The following CAMTA1 variants were observed in gnomAD, a reference collection of about 807,000 sequenced individuals.
CAMTA1 encodes the protein calmodulin binding transcription activator 1.
CAMTA1 carries 27 observed loss-of-function variants against 170.9 expected under a neutral mutation model. That is an observed-to-expected ratio of 0.16 (90% CI 0.12 to 0.22). CAMTA1 has a LOEUF of 0.22. Among genes scored for constraint, CAMTA1 ranks in the 10% least tolerant of loss-of-function variants. The pLI is 1.00. For synonymous variants in CAMTA1, 833 were observed against 891.5 expected, an observed-to-expected ratio of 0.93 and a Z score of 1.17; for missense variants, 1,619 against 2,217.2, an observed-to-expected ratio of 0.73 and a Z score of 5.42.
intron 3 of CAMTA1, among the ~76,000 whole-genome samples, chr1:6,865,828 C>CTA (rs1235602667): frequency 1.1e-4 from 17 of 152,302 alleles, no homozygotes; most frequent in African/African-American, 3.4e-4. Flanking sequence ...AGTGGGAGAG[C>CTA]TATAACCTGA....
chr1:6,845,052 G>A (rs1043325189), intron 3 of CAMTA1, among the ~76,000 whole-genome samples: 2 of 152,170 alleles, frequency 1.3e-5, no homozygotes, highest in Non-Finnish European at 2.9e-5. Flanking sequence ...GAAGAGCCAC[G>A]AAAGCACCTC....
intron 4 of CAMTA1, among the ~76,000 whole-genome samples, chr1:7,159,072 T>A (rs1236016735): frequency 5.9e-5 from 9 of 152,170 alleles, no homozygotes; most frequent in Non-Finnish European, 1.3e-4. Context: ...ATTTTTTTTT[T>A]AATTATATGG....
At chr1:6,897,532 T>TTGA (rs1343834065) in intron 3 of CAMTA1, among the ~76,000 whole-genome samples, 1 of 152,230 alleles carries the variant, frequency 6.6e-6, no homozygotes, top group African/African-American at 2.4e-5. Flanking sequence ...CTGATTGCTT[T>TTGA]TGAAGTTAAT....
chr1:7,237,911 C>T (rs371689972), intron 4 of CAMTA1, among the ~76,000 whole-genome samples: 21 of 152,292 alleles, frequency 1.4e-4, no homozygotes, highest in African/African-American at 4.8e-4. Context: ...GGCAGCACAC[C>T]GGGCACCTTA....
chr1:7,322,368 A>G lies in CAMTA1; in HGVS notation c.438+72742A>G, dbSNP rs114427698. On this transcript the variant is annotated intron_variant, in intron 5 of 22. Coordinates refer to ENST00000303635, the MANE Select transcript of CAMTA1 (RefSeq NM_015215.4). ...AGTGAACATTTTCTCAAAGGGAGAG[A>G]TGGTAAATGTTTTAGGCTTACTAGC... Among the ~76,000 whole-genome samples, 956 of 152,304 alleles carry G rather than the reference A, an allele frequency of 6.3e-3. 10 individuals are homozygous for G. The highest frequency in any genetic ancestry group is 0.022 in the African/African-American group (916 of 41,566).
At chr1:7,406,306 G>A (rs967883327) in intron 5 of CAMTA1, among the ~76,000 whole-genome samples, 58 of 152,306 alleles carry the variant, frequency 3.8e-4, no homozygotes, top group Middle Eastern at 6.8e-3. Flanking sequence ...CTCTGACAAG[G>A]AAGGACGAGG....
At chr1:7,398,185 CTCT>C (rs2089534197) in intron 5 of CAMTA1, among the ~76,000 whole-genome samples, 4 of 46,546 alleles carry the variant, frequency 8.6e-5, no homozygotes, top group Admixed American at 3.1e-4. Flanking sequence ...CTCTCTCTCT[CTCT>C]CTCTCTATAT....
intron 5 of CAMTA1, among the ~76,000 whole-genome samples, chr1:7,387,741 G>A (rs1427605495): frequency 2.6e-5 from 4 of 152,202 alleles, no homozygotes; most frequent in African/African-American, 7.2e-5. Flanking sequence ...TTATGACAGG[G>A]AAAGAATTTT....
intron 4 of CAMTA1, among the ~76,000 whole-genome samples, chr1:7,158,245 A>G (rs990774858): frequency 4.6e-5 from 7 of 152,238 alleles, no homozygotes; most frequent in African/African-American, 1.7e-4. Context: ...AAGAAGCCAG[A>G]AACAAGAGTA....
chr1:7,394,831 GTGTGTGTGTGTC>G (rs1266723408), intron 5 of CAMTA1, among the ~76,000 whole-genome samples: 1 of 146,224 alleles, frequency 6.8e-6, no homozygotes, highest in Non-Finnish European at 1.5e-5. Flanking sequence ...GTGTGTGTGT[GTGTGTGTGTGTC>G]TGTGTGTGTG....
intron 3 of CAMTA1, among the ~76,000 whole-genome samples, chr1:6,881,380 G>A (rs919212635): frequency 1.3e-5 from 2 of 152,202 alleles, no homozygotes; most frequent in African/African-American, 4.8e-5. Flanking sequence ...CCACTTGAAG[G>A]AAGCAACACC....
intron 7 of CAMTA1, among the ~76,000 whole-genome samples, chr1:7,645,795 A>G (rs770503715): frequency 1.3e-5 from 2 of 152,264 alleles, no homozygotes; most frequent in Non-Finnish European, 2.9e-5. Context: ...GCAGAGCCCC[A>G]GGGCCTACGC....
At chr1:7,275,985 T>C (rs1403339583) in intron 5 of CAMTA1, among the ~76,000 whole-genome samples, 2 of 151,654 alleles carry the variant, frequency 1.3e-5, no homozygotes, top group Admixed American at 6.6e-5. Flanking sequence ...GATGTAAAAA[T>C]CCATAACAAG....
At chr1:7,549,678 T>A (rs567577367) in intron 6 of CAMTA1, among the ~76,000 whole-genome samples, 1 of 152,260 alleles carries the variant, frequency 6.6e-6, no homozygotes, top group African/African-American at 2.4e-5. Context: ...GTGAGGTTCA[T>A]GAGTGATTAA....
intron 11 of CAMTA1, among the ~76,000 whole-genome samples, chr1:7,688,892 G>C (rs148684547): frequency 0.011 from 1,700 of 152,326 alleles, 32 homozygotes; most frequent in African/African-American, 0.038. Flanking sequence ...TGAAATCAGA[G>C]TCCTTTGTTA....
intron 7 of CAMTA1, among the ~76,000 whole-genome samples, chr1:7,653,700 C>G (rs994994744): frequency 2.6e-5 from 4 of 151,238 alleles, no homozygotes; most frequent in African/African-American, 7.3e-5. Context: ...AATGATGAAC[C>G]AATTAAAAAA....
In CAMTA1 at chr1:7,732,785, C is replaced by G. The variant is rs922413658; in HGVS notation, c.3066+186C>G. On this transcript the variant is annotated intron_variant, in intron 12 of 22. Transcript: ENST00000303635. This position sits in a 1 kb window ranked among gnomAD's most constrained non-coding sequence, Gnocchi z 4.1. ...TATAATCTGTGCAGTATGGAAGAAG[C>G]CTTGGAATGTGGAGCTTCTCAGTTG... is the stretch of plus-strand genomic sequence containing the variant. 1.3e-5 allele frequency among the ~76,000 whole-genome samples: 2 copies of G among 152,146 alleles called. No homozygotes were observed. Among genetic ancestry groups the G allele is most frequent in the Non-Finnish European group, 2.9e-5 (2 of 68,020 alleles).
At chr1:6,785,646 C>T (rs755656812) in intron 1 of CAMTA1, 71 bp downstream of exon 1, 2 of 821,038 alleles carry the variant, frequency 2.4e-6, no homozygotes, top group Non-Finnish European at 2.9e-6. Flanking sequence ...CCGGACATCC[C>T]GGGCATCGGC....
intron 5 of CAMTA1, among the ~76,000 whole-genome samples, chr1:7,422,890 C>A (rs910247424): frequency 6.6e-6 from 1 of 152,222 alleles, no homozygotes; most frequent in South Asian, 2.1e-4. Flanking sequence ...TGCGAGGGGC[C>A]CTTTGCAAAC....
Sources: gnomAD v4.1 joint callset for allele counts (sites outside exome capture counted in the v4.1 genomes callset) on GRCh38, gnomAD v4.1.1 for gene constraint, Gnocchi (gnomAD v3.1) non-coding constraint, MANE v1.5 for transcripts, NCBI Gene and HGNC (gene_info 2026-07-23, HGNC 2026-07-21) for gene names.